The following SEMA6D variants were observed in gnomAD, a reference collection of about 807,000 sequenced individuals.
The protein encoded by SEMA6D is semaphorin-6D.
Under a neutral mutation model 106.6 loss-of-function variants are expected in SEMA6D, and 35 were observed. That is an observed-to-expected ratio of 0.33 (90% CI 0.25 to 0.44). The LOEUF (loss-of-function observed/expected upper bound fraction) is 0.44, where lower values mean the gene tolerates loss of function less well. Among genes scored for constraint, SEMA6D ranks in the 20% least tolerant of loss-of-function variants. SEMA6D has a pLI of 1.00. For missense variants in SEMA6D, 1,185 were observed against 1,345.9 expected, an observed-to-expected ratio of 0.88 and a Z score of 1.87; for synonymous variants, 499 against 487.7, an observed-to-expected ratio of 1.02 and a Z score of -0.31.
chr15:47,318,875 G>C (rs982639134), intron 1 of SEMA6D, among the ~76,000 whole-genome samples: 4 of 150,958 alleles, frequency 2.6e-5, no homozygotes, highest in Admixed American at 2.6e-4. Context: ...CTAGTTTACA[G>C]TCCCACCAAC....
chr15:47,771,843 T>C lies in SEMA6D; in HGVS notation c.*58T>C. 11 of 1,490,716 alleles carry C rather than the reference T, an allele frequency of 7.4e-6. No individual in the cohort carries two copies. The highest frequency in any genetic ancestry group is 1.8e-4 in the Middle Eastern group (1 of 5,642). The allele number at this position is 1,490,716 out of a possible 1,614,324, so 92.3% of individuals were successfully genotyped here. ...CCTGTCCGTGTTGTTGAGAGGATGA[T>C]GTTGTAAGGGTACCTTAAAACAAGA... On this transcript the variant is annotated 3_prime_UTR_variant, in exon 19 of 19. Transcript: ENST00000536845.
At chr15:47,613,739 C>T (rs992310525) in intron 4 of SEMA6D, among the ~76,000 whole-genome samples, 6 of 152,010 alleles carry the variant, frequency 3.9e-5, no homozygotes, top group South Asian at 2.1e-4. Flanking sequence ...CTGCAAGTTC[C>T]GCCTCCCAGG....
rs778602098 is a variant in SEMA6D, at chr15:47,771,405, C to T, written c.2842C>T (p.Pro948Ser). ...RNSPTKRVDV[P>S]TTPGVPMTSL... ...TAGCCCAACCAAGCGAGTGGATGTC[C>T]CCACCACTCCTGGAGTCCCAATGAC... The change falls in exon 19 of 19, where the codon CCC (proline) becomes TCC (serine). Residue 948 changes from proline (P) to serine (S), a missense_variant. Transcript: ENST00000536845. The T allele has an allele frequency of 8.7e-6, 14 of 1,614,046 alleles. No homozygotes were observed. The highest frequency in any genetic ancestry group is 1.7e-5 in the Admixed American group (1 of 60,018).
intron 1 of SEMA6D, among the ~76,000 whole-genome samples, chr15:47,289,550 G>C (rs935008892): frequency 4.6e-5 from 7 of 152,098 alleles, no homozygotes; most frequent in East Asian, 3.9e-4. Context: ...AAGGCAAAAA[G>C]TGAGGCTTCA....
chr15:47,678,502 A>G (rs1025495718), intron 4 of SEMA6D, among the ~76,000 whole-genome samples: 1 of 152,200 alleles, frequency 6.6e-6, no homozygotes, highest in African/African-American at 2.4e-5. Flanking sequence ...CATCAACACT[A>G]TGATACTTCT....
chr15:47,186,517 G>A (rs1308533063), intron 1 of SEMA6D, among the ~76,000 whole-genome samples: 1 of 116,810 alleles, frequency 8.6e-6, no homozygotes, highest in African/African-American at 3.1e-5. Context: ...TTTCATAGCA[G>A]CATTCGTACC....
At chr15:47,344,961 A>C (rs684920) in intron 1 of SEMA6D, among the ~76,000 whole-genome samples, 70,975 of 152,020 alleles carry the variant, frequency 0.47, 19,686 homozygotes, top group South Asian at 0.61. Flanking sequence ...AAAATAACAT[A>C]AAAAATGTGC....
chr15:47,373,176 C>G (rs1050263008), intron 1 of SEMA6D, among the ~76,000 whole-genome samples: 2 of 152,130 alleles, frequency 1.3e-5, no homozygotes, highest in African/African-American at 4.8e-5. Context: ...GACTATGGAG[C>G]CCATAATATC....
intron 3 of SEMA6D, among the ~76,000 whole-genome samples, chr15:47,591,062 C>T (rs1387191446): frequency 1.3e-5 from 2 of 152,162 alleles, no homozygotes; most frequent in Non-Finnish European, 1.5e-5. Flanking sequence ...ATTTATTTCT[C>T]ACAGTTGTAG....
intron 2 of SEMA6D, among the ~76,000 whole-genome samples, chr15:47,444,441 G>A (rs1449819938): frequency 1.3e-5 from 2 of 151,450 alleles, no homozygotes; most frequent in Admixed American, 6.6e-5. Flanking sequence ...GTTAAGATCA[G>A]GCCCATGATG....
intron 1 of SEMA6D, among the ~76,000 whole-genome samples, chr15:47,358,281 G>T (rs2038668595): frequency 6.6e-6 from 1 of 152,150 alleles, no homozygotes; most frequent in African/African-American, 2.4e-5. Context: ...TATGACTTAT[G>T]GAAGACCCGC....
At chr15:47,651,534 G>T (rs1211751547) in intron 4 of SEMA6D, among the ~76,000 whole-genome samples, 1 of 152,196 alleles carries the variant, frequency 6.6e-6, no homozygotes, top group Non-Finnish European at 1.5e-5. Flanking sequence ...CTTAAAACCA[G>T]AGTTAACCCA....
chr15:47,452,849 A>G (rs997597913), intron 2 of SEMA6D, among the ~76,000 whole-genome samples: 1 of 152,006 alleles, frequency 6.6e-6, no homozygotes, highest in African/African-American at 2.4e-5. Context: ...TCAGTAATTT[A>G]TTATGGTATC....
intron 1 of SEMA6D, among the ~76,000 whole-genome samples, chr15:47,358,682 G>A (rs2038686131): frequency 6.6e-6 from 1 of 152,188 alleles, no homozygotes; most frequent in African/African-American, 2.4e-5. Context: ...AAGTAGTAAT[G>A]TGCTAATGGG....
intron 3 of SEMA6D, among the ~76,000 whole-genome samples, chr15:47,554,983 C>T (rs970934568): frequency 6.6e-6 from 1 of 152,184 alleles, no homozygotes; most frequent in South Asian, 2.1e-4. Context: ...AATATCTTTG[C>T]ATGCCGTAAG....
At chr15:47,447,342 C>A (rs1264273498) in intron 2 of SEMA6D, among the ~76,000 whole-genome samples, 1 of 152,102 alleles carries the variant, frequency 6.6e-6, no homozygotes, top group Non-Finnish European at 1.5e-5. Context: ...TTTCATCCCA[C>A]CCCCAACCTC....
intron 1 of SEMA6D, among the ~76,000 whole-genome samples, chr15:47,227,180 TTGACTC>T (rs1344787052): frequency 6.6e-6 from 1 of 152,058 alleles, no homozygotes; most frequent in African/African-American, 2.4e-5. Flanking sequence ...GATTATTTCA[TTGACTC>T]TGAGCCATAA....
At chr15:47,657,935 T>C (rs948701713) in intron 4 of SEMA6D, among the ~76,000 whole-genome samples, 6 of 151,312 alleles carry the variant, frequency 4.0e-5, no homozygotes, top group African/African-American at 9.7e-5. Context: ...AGAGACGGGG[T>C]TTCGCCTTGT....
At chr15:47,254,983 C>T (rs534375201) in intron 1 of SEMA6D, among the ~76,000 whole-genome samples, 5 of 149,466 alleles carry the variant, frequency 3.3e-5, no homozygotes, top group Admixed American at 2.7e-4. Context: ...ATTCCCTCTT[C>T]TTGATCTCTT....
Sources: allele counts gnomAD v4.1 joint callset (sites outside exome capture counted in the v4.1 genomes callset), GRCh38; gene constraint gnomAD v4.1.1; transcripts MANE v1.5; gene names NCBI Gene and HGNC (gene_info 2026-07-23, HGNC 2026-07-21).